CA10: variants seen among roughly 807,000 people sequenced by gnomAD.
The protein encoded by CA10 is carbonic anhydrase 10 (inactive).
CA10 carries 14 observed loss-of-function variants against 44.2 expected under a neutral mutation model. The ratio of observed to expected loss-of-function variants is 0.32; its 90% CI spans 0.21 to 0.50. CA10 has a LOEUF of 0.50. Ranked by LOEUF, CA10 falls within the 20% of genes least tolerant of loss-of-function variation. CA10 has a pLI of 0.99. For missense variants in CA10, 350 were observed against 409.7 expected (o/e 0.85, Z 1.26); for synonymous variants, 159 against 141.6 (o/e 1.12, Z -0.87).
chr17:51,681,275 G>T (rs1914836285), intron 4 of CA10, among the ~76,000 whole-genome samples: 1 of 152,156 alleles, frequency 6.6e-6, no homozygotes, highest in South Asian at 2.1e-4. Context: ...ACAATATTGG[G>T]GCCCTCAGGG....
chr17:51,688,754 TC>T (rs373596192), intron 4 of CA10, among the ~76,000 whole-genome samples: 11 of 152,192 alleles, frequency 7.2e-5, no homozygotes, highest in African/African-American at 2.2e-4. Context: ...TTGATGCCCT[TC>T]TTGACCTTAG....
intron 2 of CA10, among the ~76,000 whole-genome samples, chr17:51,981,788 G>GAT (rs1352258340): frequency 6.6e-6 from 1 of 152,068 alleles, no homozygotes; most frequent in African/African-American, 2.4e-5. Context: ...TACAACAAAT[G>GAT]ATAATCAAAA....
At chr17:52,102,052 C>T (rs1221629418) in intron 1 of CA10, among the ~76,000 whole-genome samples, 1 of 152,146 alleles carries the variant, frequency 6.6e-6, no homozygotes, top group African/African-American at 2.4e-5. Context: ...TGTTGCTCTC[C>T]AAAGTCCCTC....
At chr17:51,782,920 T>C (rs1906118637) in intron 3 of CA10, among the ~76,000 whole-genome samples, 1 of 152,206 alleles carries the variant, frequency 6.6e-6, no homozygotes, top group South Asian at 2.1e-4. Context: ...TTGTCTCTGA[T>C]GCTTGACTTC....
At chr17:51,844,788 A>C (rs1293096959) in intron 3 of CA10, among the ~76,000 whole-genome samples, 3 of 152,202 alleles carry the variant, frequency 2.0e-5, no homozygotes, top group Admixed American at 6.5e-5. Context: ...CTAATTAATA[A>C]AACAAAACAG....
At chr17:51,923,165 G>T (rs1330759163) in intron 3 of CA10, among the ~76,000 whole-genome samples, 2 of 152,080 alleles carry the variant, frequency 1.3e-5, no homozygotes, top group Non-Finnish European at 2.9e-5. Context: ...AATGGGTAAG[G>T]ATACTTATCC....
At chr17:52,019,425 A>G (rs993198239) in intron 2 of CA10, among the ~76,000 whole-genome samples, 1 of 151,974 alleles carries the variant, frequency 6.6e-6, no homozygotes, top group Non-Finnish European at 1.5e-5. Flanking sequence ...TGACTGATTC[A>G]CCCTCTCCGA....
chr17:51,898,389 C>T (rs1240985332), intron 3 of CA10, among the ~76,000 whole-genome samples: 2 of 152,062 alleles, frequency 1.3e-5, no homozygotes, highest in Non-Finnish European at 2.9e-5. Context: ...ACTTGCATCC[C>T]AGGGGTAAAA....
chr17:51,789,456 T>C (rs1906425220), intron 3 of CA10, among the ~76,000 whole-genome samples: 1 of 152,266 alleles, frequency 6.6e-6, no homozygotes, highest in Non-Finnish European at 1.5e-5. Flanking sequence ...GTTTCTTCTA[T>C]GTTCCATCAA....
At chr17:51,717,840 T>C (rs1303671477) in intron 4 of CA10, among the ~76,000 whole-genome samples, 3 of 28,372 alleles carry the variant, frequency 1.1e-4, no homozygotes, top group African/African-American at 3.7e-4. Context: ...TATATATATA[T>C]ATATATATAT....
chr17:51,803,412 T>G (rs1804271173), intron 3 of CA10, among the ~76,000 whole-genome samples: 1 of 152,228 alleles, frequency 6.6e-6, no homozygotes, highest in South Asian at 2.1e-4. Flanking sequence ...AGCTGGAGAC[T>G]ACACTTTCTC....
At chr17:52,086,394 G>A (rs1364062105) in intron 1 of CA10, among the ~76,000 whole-genome samples, 2 of 152,174 alleles carry the variant, frequency 1.3e-5, no homozygotes, top group African/African-American at 4.8e-5. Flanking sequence ...AGACTTCAAA[G>A]GCCGCTATGC....
chr17:51,636,512 G>A (rs576238749), intron 6 of CA10, among the ~76,000 whole-genome samples: 121 of 152,240 alleles, frequency 7.9e-4, no homozygotes, highest in Non-Finnish European at 1.2e-3. Flanking sequence ...CCACAGGATG[G>A]GGCCCTGAGC....
chr17:51,671,517 GC>G (rs1914422846), intron 4 of CA10, among the ~76,000 whole-genome samples: 1 of 152,162 alleles, frequency 6.6e-6, no homozygotes, highest in African/African-American at 2.4e-5. Flanking sequence ...CCGTTCTCCT[GC>G]CTCAGCCTCC....
chr17:52,085,649 G>T (rs1259249195), intron 1 of CA10, among the ~76,000 whole-genome samples: 1 of 152,040 alleles, frequency 6.6e-6, no homozygotes, highest in Admixed American at 6.6e-5. Context: ...TGCTCTCATG[G>T]CATTTATTAT....
intron 2 of CA10, among the ~76,000 whole-genome samples, chr17:51,993,082 G>GC (rs1985101986): frequency 6.6e-6 from 1 of 152,070 alleles, no homozygotes; most frequent in African/African-American, 2.4e-5. Context: ...AATAAGAAGT[G>GC]CTTGGGATAA....
intron 3 of CA10, among the ~76,000 whole-genome samples, chr17:51,799,611 G>A (rs1195122277): frequency 6.6e-6 from 1 of 152,168 alleles, no homozygotes; most frequent in Admixed American, 6.5e-5. Context: ...CAAAGAGTAT[G>A]AAAATAGAAT....
chr17:51,762,790 A>T (rs1905251264), intron 3 of CA10: 1 of 152,200 alleles, frequency 6.6e-6, no homozygotes, highest in Admixed American at 6.5e-5. Flanking sequence ...GAGAATTTGA[A>T]TGCACATCTG....
intron 4 of CA10, among the ~76,000 whole-genome samples, chr17:51,669,662 C>T (rs993920907): frequency 2.6e-5 from 4 of 152,168 alleles, no homozygotes; most frequent in Admixed American, 2.6e-4. Context: ...ACTCCAGATG[C>T]ACCACCTTTA....
Sources: gnomAD v4.1 joint callset for allele counts (sites outside exome capture counted in the v4.1 genomes callset) on GRCh38, gnomAD v4.1.1 for gene constraint, MANE v1.5 for transcripts, NCBI Gene and HGNC (gene_info 2026-07-23, HGNC 2026-07-21) for gene names.